Variants in TGFBR3 observed in about 807,000 individuals in gnomAD.
The protein encoded by TGFBR3 is transforming growth factor beta receptor 3, also known as transforming growth factor beta receptor type 3.
In TGFBR3, 46 loss-of-function variants were observed where a neutral mutation model predicts 87.9. The observed-to-expected ratio is 0.52, with a 90% CI of 0.41 to 0.67. The LOEUF is 0.67. TGFBR3 is among the 30% of genes least tolerant of loss of function. The pLI is 0.00. For missense variants in TGFBR3, 866 were observed against 1,041.9 expected, an observed-to-expected ratio of 0.83 and a Z score of 2.32; for synonymous variants, 381 against 391.6, an observed-to-expected ratio of 0.97 and a Z score of 0.32.
chr1:91,803,956 A>C (rs1161412106), intron 2 of TGFBR3, among the ~76,000 whole-genome samples: 1 of 152,218 alleles, frequency 6.6e-6, no homozygotes, highest in East Asian at 1.9e-4. Flanking sequence ...GACTGCAAAC[A>C]CCACGAAAGA....
At chr1:91,757,590 G>A (rs370778721) in intron 4 of TGFBR3, among the ~76,000 whole-genome samples, 13 of 152,148 alleles carry the variant, frequency 8.5e-5, no homozygotes, top group African/African-American at 2.6e-4. Context: ...TAACTCCTTT[G>A]CTCCTTCTAG....
chr1:91,796,151 T>A (rs1317467397), intron 3 of TGFBR3, among the ~76,000 whole-genome samples: 1 of 152,214 alleles, frequency 6.6e-6, no homozygotes, highest in African/African-American at 2.4e-5. Context: ...ACCTGAGTGA[T>A]AACATTTCTG....
intron 7 of TGFBR3, among the ~76,000 whole-genome samples, chr1:91,724,106 C>A: frequency 6.6e-6 from 1 of 152,140 alleles, no homozygotes; most frequent in East Asian, 1.9e-4. Flanking sequence ...TGCAAAGGAA[C>A]CAGACAGAAC....
intron 2 of TGFBR3, among the ~76,000 whole-genome samples, chr1:91,837,535 C>T (rs930516699): frequency 6.6e-6 from 1 of 152,040 alleles, no homozygotes; most frequent in Non-Finnish European, 1.5e-5. Flanking sequence ...CCACCATGCC[C>T]GGCTGGTAAG....
At chr1:91,836,614 A>C (rs1457051230) in intron 2 of TGFBR3, among the ~76,000 whole-genome samples, 2 of 152,192 alleles carry the variant, frequency 1.3e-5, no homozygotes, top group East Asian at 3.9e-4. Flanking sequence ...ATAGTACTTA[A>C]ACCTTTGAAA....
At chr1:91,725,616 C>T (rs758301449) in intron 7 of TGFBR3, among the ~76,000 whole-genome samples, 1 of 152,122 alleles carries the variant, frequency 6.6e-6, no homozygotes, top group African/African-American at 2.4e-5. Context: ...AAGTATTTGG[C>T]AAATAAATGA....
intron 3 of TGFBR3, among the ~76,000 whole-genome samples, chr1:91,787,939 C>CG (rs1240148297): frequency 7.1e-5 from 9 of 127,022 alleles, no homozygotes; most frequent in African/African-American, 3.4e-4. Flanking sequence ...CCCTGTCTCA[C>CG]GGGGAAAAAA....
rs534351785 is a variant in TGFBR3, at chr1:91,854,337, G to A, written c.61+7134C>T. Among the ~76,000 whole-genome samples the A allele has an allele frequency of 7.2e-5, 11 of 151,964 alleles. No individual in the cohort carries two copies. The South Asian group carries it at 2.3e-3, about 32-fold the overall frequency. On this transcript the variant is annotated intron_variant, in intron 2 of 16. Coordinates refer to ENST00000212355, the MANE Select transcript of TGFBR3 (RefSeq NM_003243.5). ...GTGCCAGTCATGTCCTTCACCATGG[G>A]GGCCAATACTCAGCCCCTACCAAGT...
At chr1:91,805,417 C>A (rs1675791142) in intron 2 of TGFBR3, among the ~76,000 whole-genome samples, 1 of 152,208 alleles carries the variant, frequency 6.6e-6, no homozygotes, top group African/African-American at 2.4e-5. Flanking sequence ...AGGCTCTGCT[C>A]TTCTGTTTGG....
intron 4 of TGFBR3, among the ~76,000 whole-genome samples, chr1:91,752,562 G>A (rs959773159): frequency 6.6e-6 from 1 of 152,130 alleles, no homozygotes; most frequent in South Asian, 2.1e-4. Flanking sequence ...GACTAAGCCT[G>A]ACATAAGTAA....
At chr1:91,770,605 G>C (rs2100930961) in intron 3 of TGFBR3, among the ~76,000 whole-genome samples, 1 of 152,202 alleles carries the variant, frequency 6.6e-6, no homozygotes, top group East Asian at 1.9e-4. Flanking sequence ...TCTTTTTAAA[G>C]AAACTCAAAT....
intron 3 of TGFBR3, among the ~76,000 whole-genome samples, chr1:91,774,888 G>A (rs1674516018): frequency 6.6e-6 from 1 of 152,136 alleles, no homozygotes; most frequent in Admixed American, 6.5e-5. Context: ...GTTACTGTAA[G>A]ATCACTGGTA....
intron 2 of TGFBR3, among the ~76,000 whole-genome samples, chr1:91,820,873 C>A (rs957230134): frequency 6.6e-6 from 1 of 152,100 alleles, no homozygotes; most frequent in Non-Finnish European, 1.5e-5. Flanking sequence ...CATGCACATA[C>A]ATGCATAGAA....
intron 2 of TGFBR3, among the ~76,000 whole-genome samples, chr1:91,892,875 A>C (rs771070977): frequency 6.6e-6 from 1 of 152,230 alleles, no homozygotes; most frequent in Non-Finnish European, 1.5e-5. Flanking sequence ...TCATCCAAAA[A>C]GTTCACAATA....
intron 2 of TGFBR3, among the ~76,000 whole-genome samples, chr1:91,891,447 G>A (rs1354853038): frequency 6.6e-6 from 1 of 151,418 alleles, no homozygotes; most frequent in Non-Finnish European, 1.5e-5. Context: ...GCAGTGAGCC[G>A]TGATCGTGCC....
At chr1:91,716,745 A>C (rs1295193972) in intron 10 of TGFBR3, 37 bp from the exon 11 acceptor site, 2 of 1,613,826 alleles carry the variant, frequency 1.2e-6, no homozygotes, top group South Asian at 1.1e-5. Flanking sequence ...TGTTATAAAA[A>C]CACCAAACCA....
At chr1:91,794,294 C>T (rs575217564) in intron 3 of TGFBR3, among the ~76,000 whole-genome samples, 3 of 152,158 alleles carry the variant, frequency 2.0e-5, no homozygotes, top group African/African-American at 7.2e-5. Context: ...ACCTCCACCT[C>T]CTGGGTTCAA....
chr1:91,749,520 T>C (rs983547062), intron 4 of TGFBR3, among the ~76,000 whole-genome samples: 4 of 152,206 alleles, frequency 2.6e-5, no homozygotes, highest in African/African-American at 9.7e-5. Flanking sequence ...AAGGGACTCC[T>C]TCCTCCCCTG....
intron 12 of TGFBR3, among the ~76,000 whole-genome samples, chr1:91,715,856 A>G (rs564383489): frequency 6.6e-6 from 1 of 152,082 alleles, no homozygotes; most frequent in South Asian, 2.1e-4. Flanking sequence ...TGTGCAGGGA[A>G]AAAAAAAGAA....
Sources: allele counts gnomAD v4.1 joint callset (sites outside exome capture counted in the v4.1 genomes callset), GRCh38; gene constraint gnomAD v4.1.1; transcripts MANE v1.5; gene names NCBI Gene and HGNC (gene_info 2026-07-23, HGNC 2026-07-21).